Variants in GRIA3 observed in about 807,000 individuals in gnomAD.
The protein encoded by GRIA3 is glutamate ionotropic receptor AMPA type subunit 3, also known as glutamate receptor 3.
GRIA3 carries 3 observed loss-of-function variants against 63.0 expected under a neutral mutation model. That is an observed-to-expected ratio of 0.05 (90% CI 0.02 to 0.12). GRIA3 has a LOEUF of 0.12. Among genes scored for constraint, GRIA3 ranks in the 10% least tolerant of loss-of-function variants. The pLI is 1.00. For synonymous variants in GRIA3, 274 were observed against 257.9 expected, an observed-to-expected ratio of 1.06 and a Z score of -0.60; for missense variants, 347 against 700.9, an observed-to-expected ratio of 0.50 and a Z score of 5.70.
chrX:123,326,349 T>C (rs968993229), intron 4 of GRIA3, 136 bp downstream of exon 4: 12 of 468,818 alleles, frequency 2.6e-5, no homozygotes, highest in Non-Finnish European at 4.0e-5. Context: ...CTAATCCTTT[T>C]TTCCTCCCCA....
intron 5 of GRIA3, among the ~76,000 whole-genome samples, chrX:123,362,322 C>A (rs2045180639): frequency 9.0e-6 from 1 of 111,424 alleles, no homozygotes; most frequent in Admixed American, 9.6e-5. Context: ...TTGTGGAAGT[C>A]AATACCGTGG....
intron 3 of GRIA3, among the ~76,000 whole-genome samples, chrX:123,282,538 C>T (rs907738668): frequency 8.9e-6 from 1 of 112,619 alleles, no homozygotes; most frequent in African/African-American, 3.2e-5. Flanking sequence ...CTCTCCCCAT[C>T]GCCAAAGGCA....
At chrX:123,383,240 G>C (rs765194946) in intron 5 of GRIA3, among the ~76,000 whole-genome samples, 1 of 112,025 alleles carries the variant, frequency 8.9e-6, no homozygotes, top group African/African-American at 3.2e-5. Flanking sequence ...AGTGAATTTA[G>C]GATATCCAAC....
intron 2 of GRIA3, among the ~76,000 whole-genome samples, chrX:123,200,900 T>A (rs1424464547): frequency 9.0e-6 from 1 of 111,646 alleles, no homozygotes; most frequent in Non-Finnish European, 1.9e-5. Flanking sequence ...CAACAGGCAG[T>A]ATAGCAATGG....
chrX:123,206,181 G>GA (rs775893876), intron 2 of GRIA3, among the ~76,000 whole-genome samples: 1 of 111,029 alleles, frequency 9.0e-6, no homozygotes, highest in Non-Finnish European at 1.9e-5. Context: ...AATTTCAAAG[G>GA]AAAAAAAATA....
chrX:123,334,563 A>G (rs2044962518), intron 4 of GRIA3, among the ~76,000 whole-genome samples: 2 of 112,283 alleles, frequency 1.8e-5, no homozygotes, highest in South Asian at 7.4e-4. Flanking sequence ...TACTTAATCA[A>G]CAGTTCCCTC....
intron 3 of GRIA3, among the ~76,000 whole-genome samples, chrX:123,291,473 C>A (rs1376347418): frequency 9.0e-6 from 1 of 110,664 alleles, no homozygotes; most frequent in African/African-American, 3.3e-5. Flanking sequence ...TGCTCAGTAC[C>A]TGGGTGGCCA....
intron 11 of GRIA3, among the ~76,000 whole-genome samples, chrX:123,426,395 G>A (rs1312884385): frequency 8.9e-6 from 1 of 111,815 alleles, no homozygotes; most frequent in Non-Finnish European, 1.9e-5. Flanking sequence ...CACTCATGAT[G>A]CAGGACCAAA....
At chrX:123,222,020 A>T (rs2147265913) in intron 2 of GRIA3, among the ~76,000 whole-genome samples, 1 of 111,508 alleles carries the variant, frequency 9.0e-6, no homozygotes, top group East Asian at 2.8e-4. Flanking sequence ...ATCTGTAAGC[A>T]TTCCTACAAA....
intron 12 of GRIA3, among the ~76,000 whole-genome samples, chrX:123,461,392 G>A (rs150827283): frequency 1.8e-5 from 2 of 111,832 alleles, no homozygotes; most frequent in Admixed American, 9.5e-5. Flanking sequence ...GAAGCACTTC[G>A]TGGGGGCAGG....
intron 10 of GRIA3, among the ~76,000 whole-genome samples, chrX:123,413,283 C>A (rs1007404773): frequency 8.2e-5 from 9 of 110,315 alleles, no homozygotes; most frequent in African/African-American, 3.0e-4. Context: ...TGAATGCCTT[C>A]TTATTTCTTT....
intron 13 of GRIA3, among the ~76,000 whole-genome samples, chrX:123,476,013 C>G (rs908567056): frequency 9.0e-6 from 1 of 111,411 alleles, no homozygotes; most frequent in South Asian, 3.8e-4. Flanking sequence ...ATAAATCTAC[C>G]TTCTTAGGGT....
chrX:123,292,926 G>A (rs1304889305), intron 3 of GRIA3, among the ~76,000 whole-genome samples: 1 of 111,006 alleles, frequency 9.0e-6, no homozygotes, highest in Non-Finnish European at 1.9e-5. Flanking sequence ...TCTGGTAACA[G>A]GTGCACTCCA....
At chrX:123,268,598 G>A (rs1217383644) in intron 3 of GRIA3, among the ~76,000 whole-genome samples, 1 of 110,288 alleles carries the variant, frequency 9.1e-6, no homozygotes, top group Non-Finnish European at 1.9e-5. Flanking sequence ...TATCCACCTA[G>A]CATAATGCTG....
intron 2 of GRIA3, among the ~76,000 whole-genome samples, chrX:123,236,645 T>C (rs2044303543): frequency 9.0e-6 from 1 of 110,855 alleles, no homozygotes; most frequent in South Asian, 3.8e-4. Context: ...ATACTCATTA[T>C]GGCTAATCCA....
intron 3 of GRIA3, among the ~76,000 whole-genome samples, chrX:123,311,411 C>T (rs1241987401): frequency 9.0e-6 from 1 of 111,602 alleles, no homozygotes; most frequent in African/African-American, 3.3e-5. Context: ...ATAGCTGGTA[C>T]TAATTAGAGC....
chrX:123,398,996 T>G (rs1224942025), intron 7 of GRIA3, among the ~76,000 whole-genome samples, 193 bp downstream of exon 7: 1 of 110,752 alleles, frequency 9.0e-6, no homozygotes, highest in East Asian at 2.8e-4. Context: ...TTGGAGGTCA[T>G]TTCTTGAAGC....
chrX:123,263,409 C>T (rs757062463), intron 3 of GRIA3, among the ~76,000 whole-genome samples: 2 of 112,357 alleles, frequency 1.8e-5, no homozygotes, highest in Non-Finnish European at 3.8e-5. Flanking sequence ...CCTGCTTTGT[C>T]GACTCCACAA....
At chrX:123,366,026 T>A (rs1293881132) in intron 5 of GRIA3, among the ~76,000 whole-genome samples, 1 of 111,610 alleles carries the variant, frequency 9.0e-6, no homozygotes, top group African/African-American at 3.3e-5. Flanking sequence ...GACCATAGGG[T>A]AACTTCCTGA....
Sources: allele counts gnomAD v4.1 joint callset (sites outside exome capture counted in the v4.1 genomes callset), GRCh38; gene constraint gnomAD v4.1.1; transcripts MANE v1.5; gene names NCBI Gene and HGNC (gene_info 2026-07-23, HGNC 2026-07-21).